GALNTL6: variants seen among roughly 807,000 people sequenced by gnomAD.
GALNTL6 encodes the protein polypeptide N-acetylgalactosaminyltransferase like 6.
In GALNTL6, 46 loss-of-function variants were observed where a neutral mutation model predicts 73.7. The ratio of observed to expected loss-of-function variants is 0.62; its 90% CI spans 0.49 to 0.80. The LOEUF is 0.80. Among genes scored for constraint, GALNTL6 ranks in the 30% least tolerant of loss-of-function variants. The pLI is 0.00. For missense variants in GALNTL6, 604 were observed against 755.0 expected (o/e 0.80, Z 2.34); for synonymous variants, 259 against 263.7 (o/e 0.98, Z 0.17).
At chr4:172,634,356 A>T (rs960349050) in intron 5 of GALNTL6, among the ~76,000 whole-genome samples, 1 of 152,056 alleles carries the variant, frequency 6.6e-6, no homozygotes, top group African/African-American at 2.4e-5. Flanking sequence ...AAAACTGAAA[A>T]TTTTTATATA....
intron 5 of GALNTL6, among the ~76,000 whole-genome samples, chr4:172,392,223 A>G (rs1288906069): frequency 6.6e-6 from 1 of 152,120 alleles, no homozygotes; most frequent in Non-Finnish European, 1.5e-5. Flanking sequence ...TCCAGAGCTC[A>G]GGTGATCTGC....
At chr4:172,499,558 C>A (rs571387429) in intron 5 of GALNTL6, among the ~76,000 whole-genome samples, 107 of 152,212 alleles carry the variant, frequency 7.0e-4, no homozygotes, top group African/African-American at 2.5e-3. Context: ...ATATCCAGGA[C>A]AGAATAAAAA....
In GALNTL6 at chr4:172,782,179, T is replaced by C. The variant is rs573856149; in HGVS notation, c.554-27182T>C. On this transcript the variant is annotated intron_variant, in intron 5 of 12. Coordinates refer to ENST00000506823, the MANE Select transcript of GALNTL6 (RefSeq NM_001034845.3). Reference sequence around the variant, plus strand: ...TTTTAAAACTCATTTCTTTTACTTTTGTAATATTTCATGAGAGATATCAAC... The same window carrying C: ...TTTTAAAACTCATTTCTTTTACTTTCGTAATATTTCATGAGAGATATCAAC... 2.0e-5 allele frequency among the ~76,000 whole-genome samples: 3 copies of C among 152,276 alleles called. No homozygotes were observed. In the East Asian group the frequency reaches 5.8e-4, roughly 29 times the overall value.
chr4:171,923,400 T>C (rs1229363542), intron 2 of GALNTL6, among the ~76,000 whole-genome samples: 1 of 146,600 alleles, frequency 6.8e-6, no homozygotes, highest in Non-Finnish European at 1.5e-5. Flanking sequence ...CTGACTTTGT[T>C]TTTTTTTTTT....
chr4:172,521,981 C>G (rs1251017311), intron 5 of GALNTL6, among the ~76,000 whole-genome samples: 2 of 152,232 alleles, frequency 1.3e-5, no homozygotes, highest in East Asian at 3.9e-4. Context: ...AATATCCCCC[C>G]AAAAGGACTG....
Position 172,071,199 on chromosome 4 carries a change from A to T in GALNTL6, c.139-158457A>T, listed in dbSNP as rs1426131628. ...ATGACATGAAGTTATCCAGGTACCA[A>T]GGCTAGCATGGATGAAGTGGATGGT... On this transcript the variant is annotated intron_variant, in intron 2 of 12. Transcript: ENST00000506823. 3.6e-5 allele frequency among the ~76,000 whole-genome samples: 4 copies of T among 109,608 alleles called. 2 individuals are homozygous for T. The highest frequency in any genetic ancestry group is 1.4e-4 in the African/African-American group (4 of 29,004). The allele number at this position is 109,608 out of a possible 152,430, so 71.9% of individuals were successfully genotyped here. A position where few individuals can be genotyped will look rare whatever the true frequency, so the allele number is the denominator to read the frequency against.
intron 2 of GALNTL6, among the ~76,000 whole-genome samples, chr4:171,924,214 A>AC (rs769560866): frequency 0.038 from 5,762 of 150,492 alleles, 283 homozygotes; most frequent in African/African-American, 0.12. Context: ...ACACACACAC[A>AC]AACACACACA....
intron 5 of GALNTL6, among the ~76,000 whole-genome samples, chr4:172,767,456 C>G (rs1210175423): frequency 6.6e-6 from 1 of 152,110 alleles, no homozygotes; most frequent in Non-Finnish European, 1.5e-5. Context: ...GTGCGACTCC[C>G]CACTCCTCCA....
chr4:172,965,424 A>C (rs1395049527), intron 10 of GALNTL6, among the ~76,000 whole-genome samples: 1 of 152,000 alleles, frequency 6.6e-6, no homozygotes, highest in African/African-American at 2.4e-5. Flanking sequence ...TCTACTAAAA[A>C]TACAAAAAAT....
At chr4:172,204,862 G>T (rs1188663058) in intron 2 of GALNTL6, among the ~76,000 whole-genome samples, 1 of 152,104 alleles carries the variant, frequency 6.6e-6, no homozygotes, top group African/African-American at 2.4e-5. Context: ...TTAATTTAAA[G>T]AAGACATGAA....
At chr4:172,983,723 T>C (rs1751173596) in intron 10 of GALNTL6, among the ~76,000 whole-genome samples, 1 of 152,090 alleles carries the variant, frequency 6.6e-6, no homozygotes, top group Non-Finnish European at 1.5e-5. Context: ...TGAATAATAA[T>C]AGTACCTACT....
chr4:172,408,352 G>T (rs1744309758), intron 5 of GALNTL6, among the ~76,000 whole-genome samples: 1 of 151,840 alleles, frequency 6.6e-6, no homozygotes, highest in Non-Finnish European at 1.5e-5. Flanking sequence ...ATAACTGATG[G>T]TATAGTATAG....
intron 2 of GALNTL6, among the ~76,000 whole-genome samples, chr4:172,172,599 G>A (rs1041616713): frequency 6.6e-6 from 1 of 152,022 alleles, no homozygotes; most frequent in South Asian, 2.1e-4. Context: ...TAGATGCCAA[G>A]GACAGAGGCT....
At chr4:172,579,637 G>C (rs1252325960) in intron 5 of GALNTL6, among the ~76,000 whole-genome samples, 1 of 152,146 alleles carries the variant, frequency 6.6e-6, no homozygotes, top group Admixed American at 6.5e-5. Flanking sequence ...CCTTAACTGG[G>C]AATAATTGAC....
chr4:172,963,681 TC>T (rs1246722974), intron 10 of GALNTL6, among the ~76,000 whole-genome samples: 3 of 152,198 alleles, frequency 2.0e-5, no homozygotes, highest in Admixed American at 2.0e-4. Flanking sequence ...CACTAGACAG[TC>T]ACTCCCTCCA....
At chr4:172,691,894 AT>A (rs1245088257) in intron 5 of GALNTL6, among the ~76,000 whole-genome samples, 2 of 152,244 alleles carry the variant, frequency 1.3e-5, no homozygotes, top group Non-Finnish European at 2.9e-5. Flanking sequence ...ACTTTAAAAA[AT>A]AAAAAGCTGT....
In GALNTL6 at chr4:173,035,637, T is replaced by G. The variant is rs541460060; in HGVS notation, c.1639-4296T>G. The stretch of plus-strand genomic sequence containing the variant: ...CTCAACTGATGTGATTAATGTTATC[T>G]TCTAGGCAAAGGACCTAAACACATA... On this transcript the variant is annotated intron_variant, in intron 12 of 12. Coordinates refer to ENST00000506823, the MANE Select transcript of GALNTL6 (RefSeq NM_001034845.3). Among the ~76,000 whole-genome samples the G allele has an allele frequency of 1.3e-5, 2 of 152,356 alleles. 1 individual carries two copies. Among genetic ancestry groups the G allele is most frequent in the South Asian group, 4.1e-4 (2 of 4,826 alleles).
chr4:171,952,130 G>A (rs1387993699), intron 2 of GALNTL6, among the ~76,000 whole-genome samples: 3 of 151,990 alleles, frequency 2.0e-5, no homozygotes, highest in Non-Finnish European at 4.4e-5. Flanking sequence ...AGATAAACTA[G>A]TGCAGATGGT....
At chr4:172,738,469 A>G (rs1322502637) in intron 5 of GALNTL6, among the ~76,000 whole-genome samples, 3 of 152,174 alleles carry the variant, frequency 2.0e-5, no homozygotes, top group Admixed American at 6.5e-5. Context: ...ACCATTTTGG[A>G]TAAAAATATA....
Sources: gnomAD v4.1 joint callset for allele counts (sites outside exome capture counted in the v4.1 genomes callset) on GRCh38, gnomAD v4.1.1 for gene constraint, MANE v1.5 for transcripts, NCBI Gene and HGNC (gene_info 2026-07-23, HGNC 2026-07-21) for gene names.